CCT6B: variants seen among roughly 807,000 people sequenced by gnomAD.
The protein encoded by CCT6B is chaperonin containing TCP1 subunit 6B.
Under a neutral mutation model 61.5 loss-of-function variants are expected in CCT6B, and 49 were observed. The observed-to-expected ratio is 0.80, with a 90% CI of 0.63 to 1.01. CCT6B has a LOEUF of 1.01. Among genes scored for constraint, CCT6B ranks in the 50% least tolerant of loss-of-function variants. The probability of loss-of-function intolerance (pLI) is 0.00; values close to 1 mark genes in which losing one functional copy is unlikely to be tolerated. For missense variants in CCT6B, 666 were observed against 634.7 expected, an observed-to-expected ratio of 1.05 and a Z score of -0.53; for synonymous variants, 228 against 214.5, an observed-to-expected ratio of 1.06 and a Z score of -0.55.
intron 10 of CCT6B, among the ~76,000 whole-genome samples, chr17:34,937,490 A>G (rs946485968): frequency 6.6e-6 from 1 of 152,212 alleles, no homozygotes; most frequent in African/African-American, 2.4e-5. Flanking sequence ...TTTTCAGCAA[A>G]TAAGACTAAA....
intron 4 of CCT6B, among the ~76,000 whole-genome samples, chr17:34,953,343 T>TATATATATA (rs1439709336): frequency 1.6e-3 from 220 of 134,478 alleles, no homozygotes; most frequent in Middle Eastern, 4.0e-3. Context: ...ATATATATAT[T>TATATATATA]TTTTTGAGAC....
intron 5 of CCT6B, among the ~76,000 whole-genome samples, chr17:34,947,819 T>C (rs1041841735): frequency 2.7e-4 from 41 of 151,500 alleles, no homozygotes; most frequent in African/African-American, 9.2e-4. Context: ...ACGTCTCTAC[T>C]AAAATACAAA....
At chr17:34,938,750 T>C (rs1037250893) in intron 10 of CCT6B, among the ~76,000 whole-genome samples, 1 of 151,380 alleles carries the variant, frequency 6.6e-6, no homozygotes, top group African/African-American at 2.4e-5. Context: ...TCAAAAGAAA[T>C]AAATAGATTA....
intron 5 of CCT6B, among the ~76,000 whole-genome samples, chr17:34,950,826 G>GGTA (rs1242730239): frequency 6.6e-6 from 1 of 152,054 alleles, no homozygotes; most frequent in Non-Finnish European, 1.5e-5. Flanking sequence ...CTACTCAGAA[G>GGTA]GCTGAGGCAG....
At position 34,929,113 on chromosome 17, in the gene CCT6B, A is replaced by G. The variant is rs922759160; in HGVS notation, c.1451-79T>C. ...TAATTGATATCTTCTAAAAATATTT[A>G]ATACATTACCAAAACTACTTTTGTC... On this transcript the variant is annotated intron_variant, in intron 12 of 13. Transcript: ENST00000314144. The G allele has an allele frequency of 8.8e-5, 76 of 861,732 alleles. No individual in the cohort carries two copies. In the African/African-American group the frequency reaches 1.1e-3, roughly 13 times the overall value. The allele number at this position is 861,732 out of a possible 1,614,324, so 53.4% of individuals were successfully genotyped here.
intron 5 of CCT6B, among the ~76,000 whole-genome samples, chr17:34,947,695 C>T (rs929417325): frequency 3.3e-5 from 5 of 152,106 alleles, no homozygotes; most frequent in Admixed American, 6.5e-5. Context: ...AAAAGCTACA[C>T]AGATGGCTGG....
At position 34,930,970 on chromosome 17, in the gene CCT6B, CA is replaced by C. The variant is rs754283063; in HGVS notation, c.1428del (p.Val477TrpfsTer3). 1.9e-5 allele frequency: 30 copies of C among 1,600,094 alleles called. No homozygotes were observed. The highest frequency in any genetic ancestry group is 2.4e-5 in the Non-Finnish European group (28 of 1,169,506). Reference sequence around the variant, plus strand: ...TTACCTGTATTCAAATCTACGCCCACAAGTTGTTTTGACTCGACATGCTCAG... The same window carrying C: ...TTACCTGTATTCAAATCTACGCCCACAGTTGTTTTGACTCGACATGCTCAG... ...VQAEHVESKQLVGVDLNTGEP... is the reference protein window; with the variant it reads ...VQAEHVESKQXVGVDLNTGEP... On this transcript the variant is annotated frameshift_variant, in exon 12 of 14. Transcript: ENST00000314144. LOFTEE classifies it high-confidence loss of function.
intron 4 of CCT6B, among the ~76,000 whole-genome samples, chr17:34,952,927 A>C (rs949310997): frequency 1.3e-5 from 2 of 152,174 alleles, no homozygotes; most frequent in African/African-American, 4.8e-5. Flanking sequence ...TGGGTGCCCT[A>C]GCAGCATGAA....
rs74571706 is a variant in CCT6B, at chr17:34,945,148, C to T, written c.615-2242G>A. Among the ~76,000 whole-genome samples the T allele has an allele frequency of 4.8e-3, 732 of 152,272 alleles. 8 individuals carry two copies. The highest frequency in any genetic ancestry group is 0.017 in the African/African-American group (705 of 41,550). On this transcript the variant is annotated intron_variant, in intron 5 of 13. Coordinates refer to ENST00000314144, the MANE Select transcript of CCT6B (RefSeq NM_006584.4). ...TGAATCCACCTCATCTTTTCAAACT[C>T]TAAACATCCAAGTTCCTAGGGATCA...
At chr17:34,931,961 C>T (rs962231016) in intron 11 of CCT6B, among the ~76,000 whole-genome samples, 1 of 152,070 alleles carries the variant, frequency 6.6e-6, no homozygotes, top group Non-Finnish European at 1.5e-5. Flanking sequence ...TGCTAAAGAG[C>T]CTCAAGCCCT....
chr17:34,961,187 C>G (rs2090411279), intron 1 of CCT6B, 70 bp downstream of exon 1: 2 of 1,523,168 alleles, frequency 1.3e-6, no homozygotes, highest in Admixed American at 4.1e-5. Flanking sequence ...ACGCGGACGC[C>G]TGCCTCAGAG....
At chr17:34,946,935 G>C (rs2090230692) in intron 5 of CCT6B, among the ~76,000 whole-genome samples, 1 of 152,156 alleles carries the variant, frequency 6.6e-6, no homozygotes, top group Non-Finnish European at 1.5e-5. Context: ...TAGTAGTTCT[G>C]TTTCTTGTGA....
Position 34,939,222 on chromosome 17 carries a change from T to C in CCT6B, c.1174A>G (p.Arg392Gly), listed in dbSNP as rs763580867. Residue 392 changes from arginine to glycine, a missense_variant, in exon 10 of 14, where the codon AGA becomes GGA. Physicochemically the swap from Arg to Gly is moderately radical, Grantham distance 125 (BLOSUM62 -2). Transcript: ENST00000314144. Reference sequence around the variant, plus strand: ...TTTTTGATAGCACGAAGTCCATCTCTTATGGCATCCTTGACTTGTGTGAGA... The same window carrying C: ...TTTTTGATAGCACGAAGTCCATCTCCTATGGCATCCTTGACTTGTGTGAGA... ...HTLTQVKDAI[R>G]DGLRAIKNAI... is the part of the protein sequence containing the mutation. The C allele has an allele frequency of 3.8e-5, 62 of 1,613,796 alleles. No homozygotes were observed. The highest frequency in any genetic ancestry group is 5.0e-5 in the Non-Finnish European group (59 of 1,179,876).
At chr17:34,960,480 TA>T (rs2090399370) in intron 1 of CCT6B, among the ~76,000 whole-genome samples, 1 of 152,234 alleles carries the variant, frequency 6.6e-6, no homozygotes, top group Non-Finnish European at 1.5e-5. Flanking sequence ...TCAAACATGT[TA>T]CTTAAGATGC....
intron 10 of CCT6B, 35 bp downstream of exon 10, chr17:34,939,148 C>T: frequency 6.5e-7 from 1 of 1,550,160 alleles, no homozygotes; most frequent in Non-Finnish European, 8.9e-7. Flanking sequence ...CACACATATA[C>T]ATGAGGTTCA....
chr17:34,938,246 C>T (rs1247537329), intron 10 of CCT6B, among the ~76,000 whole-genome samples: 2 of 152,096 alleles, frequency 1.3e-5, no homozygotes, highest in South Asian at 2.1e-4. Flanking sequence ...ACCAGATATA[C>T]AAAGGGCAAA....
chr17:34,943,346 G>A (rs1273146206), intron 5 of CCT6B: 5 of 152,614 alleles, frequency 3.3e-5, no homozygotes, highest in South Asian at 2.1e-4. Flanking sequence ...TGAAAGGTAC[G>A]TATACAATGA....
chr17:34,947,184 T>G (rs1157244640), intron 5 of CCT6B, among the ~76,000 whole-genome samples: 6 of 151,918 alleles, frequency 3.9e-5, no homozygotes, highest in Non-Finnish European at 8.8e-5. Flanking sequence ...AAAACTAAAT[T>G]AAGAACATCA....
chr17:34,941,616 A>G (rs1597746241), intron 7 of CCT6B, among the ~76,000 whole-genome samples: 1 of 152,210 alleles, frequency 6.6e-6, no homozygotes, highest in Admixed American at 6.5e-5. Flanking sequence ...AAATCTACCA[A>G]ATACCCATAT....
Sources: allele counts gnomAD v4.1 joint callset (sites outside exome capture counted in the v4.1 genomes callset), GRCh38; gene constraint gnomAD v4.1.1; transcripts MANE v1.5; gene names NCBI Gene and HGNC (gene_info 2026-07-23, HGNC 2026-07-21).